The following ARHGEF15 variants were observed in gnomAD, a reference collection of about 807,000 sequenced individuals.
The protein encoded by ARHGEF15 is Rho guanine nucleotide exchange factor 15, also known as Rho guanine nucleotide exchange factor (GEF) 15.
ARHGEF15 carries 58 observed loss-of-function variants against 79.7 expected under a neutral mutation model. The observed-to-expected ratio is 0.73, with a 90% confidence interval of 0.59 to 0.91. The LOEUF is 0.91. ARHGEF15 is among the 40% of genes least tolerant of loss of function. The pLI is 0.00. For missense variants in ARHGEF15, 1,012 were observed against 1,108.1 expected (o/e 0.91, Z 1.23); for synonymous variants, 442 against 456.0 (o/e 0.97, Z 0.39).
At position 8,315,118 on chromosome 17, in the gene ARHGEF15, G is replaced by T; in HGVS notation, c.1101G>T (p.Gly367=). Residue 367 remains glycine (G), a synonymous_variant, in exon 6 of 16, where the codon GGG becomes GGT. Coordinates refer to ENST00000361926, the MANE Select transcript of ARHGEF15 (RefSeq NM_173728.4). The surrounding 1 kb of genome is among the most constrained non-coding windows in gnomAD (Gnocchi z 4.3). ...CCGTGCTGTCAGAGGAGCTGTGGGG[G>T]GTGGGTGAGGATGGGAGTCCTTCTC... The part of the protein sequence containing the change: ...RAAVLSEELW[G]VGEDGSPSPA... The T allele has an allele frequency of 1.2e-6, 2 of 1,614,016 alleles. No individual in the cohort carries two copies. The highest frequency in any genetic ancestry group is 4.5e-5 in the East Asian group (2 of 44,876).
chr17:8,311,079 G>T (rs1168656700), intron 1 of ARHGEF15, among the ~76,000 whole-genome samples: 1 of 151,924 alleles, frequency 6.6e-6, no homozygotes, highest in African/African-American at 2.4e-5. Context: ...CAACCCCCTT[G>T]TTCCCCCCTC....
Position 8,311,981 on chromosome 17 carries a change from T to A in ARHGEF15, c.-49-10T>A. 4 of 1,460,282 alleles carry A rather than the reference T, an allele frequency of 2.7e-6. No individual in the cohort carries two copies. The highest frequency in any genetic ancestry group is 3.6e-6 in the Non-Finnish European group (4 of 1,104,972). The allele number at this position is 1,460,282 out of a possible 1,614,324, so 90.5% of individuals were successfully genotyped here. On this transcript the variant is annotated splice_polypyrimidine_tract_variant and intron_variant, in intron 1 of 15. Coordinates refer to ENST00000361926, the MANE Select transcript of ARHGEF15 (RefSeq NM_173728.4). ...CTAAGGGTCTTTCTCTTTCCCTCCC[T>A]CCTCCTCAGGGGATGACTCCAGCAG...
In ARHGEF15 at chr17:8,312,014, C is replaced by A. The variant is rs1904650915; in HGVS notation, c.-26C>A. ...AGGGGATGACTCCAGCAGAGCACCT[C>A]ACTCCTTTGAAGAGCACAGAGGAAG... On this transcript the variant is annotated 5_prime_UTR_variant, in exon 2 of 16. Transcript: ENST00000361926. 3 of 1,548,260 alleles carry A rather than the reference C, an allele frequency of 1.9e-6. No individual in the cohort carries two copies. The highest frequency in any genetic ancestry group is 2.0e-5 in the Admixed American group (1 of 50,308).
chr17:8,318,078 TA>T lies in ARHGEF15; in HGVS notation c.1705-307del, dbSNP rs376139025. The T allele has an allele frequency of 8.3e-3, 2,029 of 245,212 alleles. 14 individuals are homozygous for T. The highest frequency in any genetic ancestry group is 0.012 in the Non-Finnish European group (1,589 of 127,522). The allele number at this position is 245,212 out of a possible 1,614,324, so 15.2% of individuals were successfully genotyped here. A position where few individuals can be genotyped will look rare whatever the true frequency, so the allele number is the denominator to read the frequency against. On this transcript the variant is annotated intron_variant, in intron 9 of 15. Transcript: ENST00000361926. The surrounding 1 kb of genome is among the most constrained non-coding windows in gnomAD (Gnocchi z 5.0). ...AGCCAGACTCCGGAAGAAAAAAAAA[TA>T]AGAACCTTCTTTTCAACATTTAATA...
In ARHGEF15 at chr17:8,315,306, G is replaced by T. The variant is rs557193825; in HGVS notation, c.1260+29G>T. On this transcript the variant is annotated intron_variant, in intron 6 of 15. Coordinates refer to ENST00000361926, the MANE Select transcript of ARHGEF15 (RefSeq NM_173728.4). This position sits in a 1 kb window ranked among gnomAD's most constrained non-coding sequence, Gnocchi z 4.3. ...GGAGCTGGAGGTGGGAGATGGGAGG[G>T]GGGTGCTGGGGTTGGGCTGCATGGG... The T allele has an allele frequency of 7.6e-5, 122 of 1,611,764 alleles. 1 individual carries two copies. The South Asian group carries it at 9.6e-4, about 13-fold the overall frequency.
In ARHGEF15 at chr17:8,315,818, G is replaced by A; in HGVS notation, c.1485G>A (p.Val495=). 1.9e-6 allele frequency: 3 copies of A among 1,613,284 alleles called. No individual in the cohort carries two copies. Among genetic ancestry groups the A allele is most frequent in the Non-Finnish European group, 1.7e-6 (2 of 1,179,988 alleles). Residue 495 remains valine (V), a synonymous_variant, in exon 8 of 16, where the codon GTG becomes GTA. Coordinates refer to ENST00000361926, the MANE Select transcript of ARHGEF15 (RefSeq NM_173728.4). The surrounding 1 kb of genome is among the most constrained non-coding windows in gnomAD (Gnocchi z 4.3). Reference sequence around the variant, plus strand: ...CCCACATCAGCGACTTGTGTGATGTGGTGCATGCCCACGCTGTGGGGCCTT... The same window carrying A: ...CCCACATCAGCGACTTGTGTGATGTAGTGCATGCCCACGCTGTGGGGCCTT... ...SSPHISDLCD[V]VHAHAVGPFS...
In ARHGEF15 at chr17:8,318,419, C is replaced by A. The variant is rs766659619; in HGVS notation, c.1737C>A (p.Ser579Arg). 3.1e-6 allele frequency: 5 copies of A among 1,614,066 alleles called. No homozygotes were observed. The highest frequency in any genetic ancestry group is 4.2e-6 in the Non-Finnish European group (5 of 1,180,014). Residue 579 changes from serine (S) to arginine (R), a missense_variant, in exon 10 of 16, where the codon AGC (serine) becomes AGA (arginine). Coordinates refer to ENST00000361926, the MANE Select transcript of ARHGEF15 (RefSeq NM_173728.4). The surrounding 1 kb of genome is among the most constrained non-coding windows in gnomAD (Gnocchi z 5.0). ...NILRQTEEGSSRQENAQKALG... is the reference protein window; with the variant it reads ...NILRQTEEGSRRQENAQKALG... ...TGCGCCAGACAGAAGAGGGGTCCAG[C>A]CGTCAGGAGAATGCCCAGAAGGCCC...
intron 1 of ARHGEF15, among the ~76,000 whole-genome samples, chr17:8,311,084 C>T (rs1189958463): frequency 6.6e-6 from 1 of 152,012 alleles, no homozygotes; most frequent in African/African-American, 2.4e-5. Flanking sequence ...CCCTTGTTCC[C>T]CCCTCATCAT....
chr17:8,312,522 T>C lies in ARHGEF15; in HGVS notation c.483T>C (p.Ala161=). 3 of 1,610,986 alleles carry C rather than the reference T, an allele frequency of 1.9e-6. No individual in the cohort carries two copies. The highest frequency in any genetic ancestry group is 2.5e-6 in the Non-Finnish European group (3 of 1,178,600). Residue 161 remains alanine (A), a synonymous_variant, in exon 2 of 16, where the codon GCT becomes GCC. Transcript: ENST00000361926. The part of the protein sequence containing the change: ...RRLAGRFEGG[A]EGRAQDADAP... ...TGGCTGGCAGGTTTGAAGGGGGTGC[T>C]GAAGGCCGGGCTCAGGATGCAGATG...
rs775161160 is a variant in ARHGEF15, at chr17:8,318,822, G to A, written c.1945G>A (p.Gly649Arg). The A allele has an allele frequency of 8.7e-6, 14 of 1,613,550 alleles. No individual in the cohort carries two copies. In the East Asian group the frequency reaches 1.1e-4, roughly 13 times the overall value. Residue 649 changes from glycine to arginine, a missense_variant, in exon 12 of 16, where the codon GGG becomes AGG. This residue lies in a region of ARHGEF15 where 818 missense variants were observed against 882.5 expected (regional missense o/e 0.93). Transcript: ENST00000361926. The surrounding 1 kb of genome is among the most constrained non-coding windows in gnomAD (Gnocchi z 5.0). ...GCTGACTGAGTTAGGGTGCCGGAGG[G>A]GGGGCGTGCTCTTTGCCTCGCGCCC... Reference protein sequence around the residue: ...GELTELGCRRGGVLFASRPRF... With the variant: ...GELTELGCRRRGVLFASRPRF...
chr17:8,315,916 C>T lies in ARHGEF15; in HGVS notation c.1574+9C>T. On this transcript the variant is annotated intron_variant, in intron 8 of 15. Coordinates refer to ENST00000361926, the MANE Select transcript of ARHGEF15 (RefSeq NM_173728.4). This position sits in a 1 kb window ranked among gnomAD's most constrained non-coding sequence, Gnocchi z 4.3. ...ACCTACAGCCGCCTCATGTGAGTGT[C>T]CCAGGGGTGGGGAGGAAGCTGGGGA... The T allele has an allele frequency of 1.2e-6, 2 of 1,607,632 alleles. No homozygotes were observed. Among genetic ancestry groups the T allele is most frequent in the Non-Finnish European group, 8.5e-7 (1 of 1,179,796 alleles).
Position 8,318,907 on chromosome 17 carries a change from A to G in ARHGEF15, c.2030A>G (p.Lys677Arg), listed in dbSNP as rs1468072726. 3.1e-6 allele frequency: 5 copies of G among 1,612,104 alleles called. No individual in the cohort carries two copies. In the East Asian group the frequency reaches 6.7e-5, roughly 22 times the overall value. ...FSDLLLITQP[K>R]SGQRLQVLDY... ...GACCTGCTGCTCATCACTCAGCCTA[A>G]GAGGTGAGTCCTAGGGAAGGAAGGA... is the stretch of plus-strand genomic sequence containing the variant. The change falls in exon 12 of 16, where the codon AAG becomes AGG. Residue 677 changes from lysine to arginine, a missense_variant. Physicochemically the swap from Lys to Arg is conservative, Grantham distance 26. Around this residue, in one of 3 missense-constraint regions of ARHGEF15, gnomAD observed 62 missense variants for 101.3 expected, o/e 0.61. Transcript: ENST00000361926. This position sits in a 1 kb window ranked among gnomAD's most constrained non-coding sequence, Gnocchi z 5.0.
chr17:8,314,151 A>C (rs1231610901), intron 4 of ARHGEF15: 1 of 152,252 alleles, frequency 6.6e-6, no homozygotes, highest in Admixed American at 6.5e-5. Flanking sequence ...AGCCGGGTCC[A>C]GAGTAAGTGA....
At chr17:8,310,684 C>T (rs1441703567) in intron 1 of ARHGEF15, 1 of 152,306 alleles carries the variant, frequency 6.6e-6, no homozygotes, top group Non-Finnish European at 1.5e-5. Context: ...TTCCCCAGAC[C>T]CCTTTAACCT....
In ARHGEF15 at chr17:8,312,381, C is replaced by G; in HGVS notation, c.342C>G (p.Pro114=). Residue 114 remains proline, a synonymous_variant, in exon 2 of 16, where the codon CCC becomes CCG. Coordinates refer to ENST00000361926, the MANE Select transcript of ARHGEF15 (RefSeq NM_173728.4). The part of the protein sequence containing the change: ...SRRSASPEPA[P]RSPVPPPKPS... Reference sequence around the variant, plus strand: ...GCTCCGCCTCCCCAGAACCTGCTCCCCGGTCTCCAGTCCCCCCACCCAAGC... The same window carrying G: ...GCTCCGCCTCCCCAGAACCTGCTCCGCGGTCTCCAGTCCCCCCACCCAAGC... The G allele has an allele frequency of 6.2e-7, 1 of 1,609,360 alleles. No individual in the cohort carries two copies. Among genetic ancestry groups the G allele is most frequent in the Non-Finnish European group, 8.5e-7 (1 of 1,177,684 alleles).
In ARHGEF15 at chr17:8,318,940, C is replaced by G; in HGVS notation, c.2033+30C>G. The G allele has an allele frequency of 6.2e-7, 1 of 1,609,466 alleles. No homozygotes were observed. The highest frequency in any genetic ancestry group is 1.7e-4 in the Middle Eastern group (1 of 6,046). On this transcript the variant is annotated intron_variant, in intron 12 of 15. Coordinates refer to ENST00000361926, the MANE Select transcript of ARHGEF15 (RefSeq NM_173728.4). The surrounding 1 kb of genome is among the most constrained non-coding windows in gnomAD (Gnocchi z 5.0). Reference sequence around the variant, plus strand: ...GTCCTAGGGAAGGAAGGAGCCCAGGCTGGAGTGGGCAGGAGGGGTCCAGCG... The same window carrying G: ...GTCCTAGGGAAGGAAGGAGCCCAGGGTGGAGTGGGCAGGAGGGGTCCAGCG...
chr17:8,318,110 C>A lies in ARHGEF15; in HGVS notation c.1705-277C>A. ...CTTCTTTTCAACATTTAATATGTGC[C>A]AAGAACTATGCTAAGCACTTTACAT... On this transcript the variant is annotated intron_variant, in intron 9 of 15. Coordinates refer to ENST00000361926, the MANE Select transcript of ARHGEF15 (RefSeq NM_173728.4). This position sits in a 1 kb window ranked among gnomAD's most constrained non-coding sequence, Gnocchi z 5.0. 2.7e-6 allele frequency: 1 copy of A among 376,592 alleles called. No individual in the cohort carries two copies. Among genetic ancestry groups the A allele is most frequent in the South Asian group, 7.4e-5 (1 of 13,424 alleles). 23.3% of individuals were successfully genotyped at this position (376,592 alleles called of 1,614,324 possible).
At position 8,311,984 on chromosome 17, in the gene ARHGEF15, T is replaced by G. The variant is rs1904648702; in HGVS notation, c.-49-7T>G. 1 of 1,464,494 alleles carries G rather than the reference T, an allele frequency of 6.8e-7. No individual in the cohort carries two copies. The highest frequency in any genetic ancestry group is 9.0e-7 in the Non-Finnish European group (1 of 1,107,200). 90.7% of individuals were successfully genotyped at this position (1,464,494 alleles called of 1,614,324 possible). On this transcript the variant is annotated splice_polypyrimidine_tract_variant and splice_region_variant and intron_variant, in intron 1 of 15. Coordinates refer to ENST00000361926, the MANE Select transcript of ARHGEF15 (RefSeq NM_173728.4). ...AGGGTCTTTCTCTTTCCCTCCCTCCTCCTCAGGGGATGACTCCAGCAGAGC... is the reference window on the plus strand; with the variant it reads ...AGGGTCTTTCTCTTTCCCTCCCTCCGCCTCAGGGGATGACTCCAGCAGAGC...
rs141885648 is a variant in ARHGEF15, at chr17:8,318,627, C to T, written c.1837C>T (p.Arg613Trp). The T allele has an allele frequency of 1.2e-4, 194 of 1,613,586 alleles. No individual in the cohort carries two copies. Among genetic ancestry groups the T allele is most frequent in the Non-Finnish European group, 1.6e-4 (191 of 1,179,724 alleles). Residue 613 changes from arginine (R) to tryptophan (W), a missense_variant, in exon 11 of 16, where the codon CGG (arginine) becomes TGG (tryptophan). Coordinates refer to ENST00000361926, the MANE Select transcript of ARHGEF15 (RefSeq NM_173728.4). The surrounding 1 kb of genome is among the most constrained non-coding windows in gnomAD (Gnocchi z 5.0). ...CATGAAGCAGACTGAAGAGCTGATCCGGCTCACCCAAAGGCTGCGCTTCCA... is the reference window on the plus strand; with the variant it reads ...CATGAAGCAGACTGAAGAGCTGATCTGGCTCACCCAAAGGCTGCGCTTCCA... ...GRMKQTEELIRLTQRLRFHKV... is the reference protein window; with the variant it reads ...GRMKQTEELIWLTQRLRFHKV...
Sources: gnomAD v4.1 joint callset for allele counts (sites outside exome capture counted in the v4.1 genomes callset) on GRCh38, gnomAD v4.1.1 for gene constraint, gnomAD v4.1.1 regional missense constraint, Gnocchi (gnomAD v3.1) non-coding constraint, MANE v1.5 for transcripts, NCBI Gene and HGNC (gene_info 2026-07-23, HGNC 2026-07-21) for gene names.